G3BP2: variants seen among roughly 807,000 people sequenced by gnomAD.
G3BP2 encodes the protein G3BP stress granule assembly factor 2.
G3BP2 carries 11 observed loss-of-function variants against 56.7 expected under a neutral mutation model. The ratio of observed to expected loss-of-function variants is 0.19; its 90% CI spans 0.12 to 0.32. The LOEUF (loss-of-function observed/expected upper bound fraction) is 0.32. G3BP2 is among the 10% of genes least tolerant of loss of function. The probability of loss-of-function intolerance (pLI) is 1.00; values close to 1 mark genes in which losing one functional copy is unlikely to be tolerated. For missense variants in G3BP2, 340 were observed against 610.9 expected (o/e 0.56, Z 4.67); for synonymous variants, 165 against 191.6 (o/e 0.86, Z 1.15).
At chr4:75,718,660 G>C (rs575640329) in intron 3 of G3BP2, among the ~76,000 whole-genome samples, 2 of 152,150 alleles carry the variant, frequency 1.3e-5, no homozygotes, top group Non-Finnish European at 2.9e-5. Flanking sequence ...CCTTGCTTTA[G>C]AGGTGGGAAT....
At chr4:75,696,002 G>C (rs28774403) in intron 3 of G3BP2, among the ~76,000 whole-genome samples, 1 of 8,382 alleles carries the variant, frequency 1.2e-4, no homozygotes, top group African/African-American at 5.0e-4. Context: ...AAAAAAAAAA[G>C]AGTTAACAGA....
intron 9 of G3BP2, 79 bp from the exon 10 acceptor site, chr4:75,647,236 T>C (rs1731303097): frequency 4.4e-6 from 4 of 908,450 alleles, no homozygotes; most frequent in Non-Finnish European, 6.5e-6. Context: ...TAAAAATCAC[T>C]TAATATTGAT....
At chr4:75,659,122 G>T (rs1263778330) in intron 2 of G3BP2, among the ~76,000 whole-genome samples, 198 bp from the exon 3 acceptor site, 2 of 152,216 alleles carry the variant, frequency 1.3e-5, no homozygotes, top group African/African-American at 4.8e-5. Flanking sequence ...CCATATGGTT[G>T]TTGTAAGGAT....
At chr4:75,688,842 T>A (rs1046528757) in intron 3 of G3BP2, among the ~76,000 whole-genome samples, 6 of 152,208 alleles carry the variant, frequency 3.9e-5, no homozygotes, top group African/African-American at 1.4e-4. Flanking sequence ...GATGAGTAAA[T>A]TATATGGTAC....
chr4:75,668,634 A>T (rs992100648), intron 1 of G3BP2, among the ~76,000 whole-genome samples: 1 of 152,190 alleles, frequency 6.6e-6, no homozygotes, highest in African/African-American at 2.4e-5. Context: ...CATACATCCA[A>T]AAAAGTAAGA....
intron 3 of G3BP2, among the ~76,000 whole-genome samples, chr4:75,720,843 A>AT (rs1720142587): frequency 2.0e-5 from 3 of 146,730 alleles, no homozygotes; most frequent in South Asian, 4.2e-4. Flanking sequence ...AAATAAATAA[A>AT]AATATTTTGA....
intron 3 of G3BP2, among the ~76,000 whole-genome samples, chr4:75,710,833 A>AT (rs899188850): frequency 2.4e-4 from 36 of 147,482 alleles, no homozygotes; most frequent in South Asian, 1.9e-3. Flanking sequence ...GGCCTGGATA[A>AT]TTTTTTTTTT....
intron 3 of G3BP2, among the ~76,000 whole-genome samples, chr4:75,698,679 C>G (rs200540056): frequency 6.6e-6 from 1 of 151,994 alleles, no homozygotes; most frequent in Admixed American, 6.6e-5. Context: ...CACATACTTA[C>G]GAAGGGGTCA....
At chr4:75,659,002 G>C (rs55747366) in intron 2 of G3BP2, 78 bp from the exon 3 acceptor site, 17,246 of 1,082,646 alleles carry the variant, frequency 0.016, 280 homozygotes, top group Non-Finnish European at 0.017. Context: ...TCATAGACTA[G>C]GTTCCGGATC....
At chr4:75,695,577 A>G (rs1719067312) in intron 3 of G3BP2, among the ~76,000 whole-genome samples, 1 of 152,200 alleles carries the variant, frequency 6.6e-6, no homozygotes, top group Non-Finnish European at 1.5e-5. Flanking sequence ...GAGAGTGCCA[A>G]GAGAAACACA....
chr4:75,717,355 G>C (rs1408872987), intron 3 of G3BP2, among the ~76,000 whole-genome samples: 1 of 152,074 alleles, frequency 6.6e-6, no homozygotes, highest in Non-Finnish European at 1.5e-5. Flanking sequence ...TGGGAGGATC[G>C]CTTGAGCCTG....
upstream of G3BP2, chr4:75,673,789 G>A (rs899344366): frequency 2.8e-6 from 1 of 362,484 alleles, no homozygotes; most frequent in Non-Finnish European, 4.7e-6. Flanking sequence ...GGGAAGGAGG[G>A]AATTTAGTAA....
At chr4:75,645,801 C>T (rs541299041) in intron 11 of G3BP2, 99 bp from the exon 12 acceptor site, 844 of 1,083,198 alleles carry the variant, frequency 7.8e-4, no homozygotes, top group Non-Finnish European at 1.1e-3. Context: ...AGGAATAAAA[C>T]ACTTTTATCA....
At chr4:75,711,496 T>C (rs1719756619) in intron 3 of G3BP2, among the ~76,000 whole-genome samples, 1 of 152,036 alleles carries the variant, frequency 6.6e-6, no homozygotes, top group Non-Finnish European at 1.5e-5. Context: ...GCGGATCACC[T>C]GAGGTCAGGA....
chr4:75,655,610 ATT>A (rs1389468628), intron 6 of G3BP2, among the ~76,000 whole-genome samples, 156 bp downstream of exon 6: 1 of 152,244 alleles, frequency 6.6e-6, no homozygotes, highest in African/African-American at 2.4e-5. Context: ...AAATAAAACC[ATT>A]CTTTCCAAAT....
chr4:75,718,143 A>T (rs1218738828), intron 3 of G3BP2, among the ~76,000 whole-genome samples: 8 of 151,654 alleles, frequency 5.3e-5, no homozygotes, highest in Admixed American at 5.3e-4. Context: ...GCAAAAAAAA[A>T]ATTACAAATA....
At chr4:75,673,552 C>A, upstream of G3BP2, 6 of 1,232,178 alleles carry the variant, frequency 4.9e-6, no homozygotes, top group Non-Finnish European at 6.1e-6. Context: ...GCGGAGCACG[C>A]GCAGTACGCT....
intron 3 of G3BP2, among the ~76,000 whole-genome samples, chr4:75,684,181 G>A (rs746712686): frequency 7.9e-5 from 12 of 152,114 alleles, no homozygotes; most frequent in Non-Finnish European, 1.0e-4. Flanking sequence ...CAAGGTGGGC[G>A]GATCATGAGG....
chr4:75,707,176 A>G (rs1365537358), intron 3 of G3BP2, among the ~76,000 whole-genome samples: 1 of 39,338 alleles, frequency 2.5e-5, no homozygotes, highest in African/African-American at 6.5e-5. Context: ...CTCCGTCTTG[A>G]AAAAAAAAAA....
Sources: gnomAD v4.1 joint callset for allele counts (sites outside exome capture counted in the v4.1 genomes callset) on GRCh38, gnomAD v4.1.1 for gene constraint, MANE v1.5 for transcripts, NCBI Gene and HGNC (gene_info 2026-07-23, HGNC 2026-07-21) for gene names.